The following DLGAP2 variants were observed in gnomAD, a reference collection of about 807,000 sequenced individuals.
The protein encoded by DLGAP2 is disks large-associated protein 2.
DLGAP2 carries 26 observed loss-of-function variants against 100.3 expected under a neutral mutation model. The observed-to-expected ratio is 0.26, with a 90% confidence interval of 0.19 to 0.36. DLGAP2 has a LOEUF of 0.36. Ranked by LOEUF, DLGAP2 falls within the 10% of genes least tolerant of loss-of-function variation. The pLI is 1.00. For missense variants in DLGAP2, 1,858 were observed against 1,453.2 expected (o/e 1.28, Z -4.53); for synonymous variants, 886 against 630.1 (o/e 1.41, Z -6.08).
intron 6 of DLGAP2, among the ~76,000 whole-genome samples, chr8:1,615,181 C>T (rs1038982651): frequency 6.6e-6 from 1 of 152,072 alleles, no homozygotes; most frequent in Non-Finnish European, 1.5e-5. Flanking sequence ...GTTTAGTTTC[C>T]AGCTGCTGAC....
chr8:1,437,289 G>A (rs1284581749), intron 3 of DLGAP2, among the ~76,000 whole-genome samples: 1 of 152,252 alleles, frequency 6.6e-6, no homozygotes, highest in Non-Finnish European at 1.5e-5. Flanking sequence ...GCCCAGGCAT[G>A]CAGGCGCGAA....
At chr8:1,265,139 G>C (rs1799426409) in intron 3 of DLGAP2, among the ~76,000 whole-genome samples, 1 of 152,110 alleles carries the variant, frequency 6.6e-6, no homozygotes, top group Non-Finnish European at 1.5e-5. Context: ...TACAACAGGA[G>C]AATGAACAAC....
At chr8:1,581,477 T>C (rs907254157) in intron 6 of DLGAP2, among the ~76,000 whole-genome samples, 7 of 143,844 alleles carry the variant, frequency 4.9e-5, no homozygotes, top group African/African-American at 1.6e-4. Flanking sequence ...TCCACACATA[T>C]ATACACCACA....
intron 6 of DLGAP2, among the ~76,000 whole-genome samples, chr8:1,586,471 C>G (rs1476738517): frequency 6.6e-6 from 1 of 152,230 alleles, no homozygotes; most frequent in African/African-American, 2.4e-5. Context: ...CTGCCTTCCT[C>G]TTCTGCTTTC....
chr8:1,025,280 G>T (rs1026591003), intron 2 of DLGAP2, among the ~76,000 whole-genome samples: 4 of 152,042 alleles, frequency 2.6e-5, no homozygotes, highest in African/African-American at 9.7e-5. Flanking sequence ...CCCCGACCTG[G>T]ATCCCCGATC....
intron 7 of DLGAP2, among the ~76,000 whole-genome samples, chr8:1,627,822 C>A (rs527418935): frequency 6.6e-6 from 1 of 151,398 alleles, no homozygotes; most frequent in Non-Finnish European, 1.5e-5. Context: ...CTCTGACTTA[C>A]TGTGGAGCAG....
At chr8:772,088 A>G (rs982236424) in intron 1 of DLGAP2, among the ~76,000 whole-genome samples, 11 of 151,962 alleles carry the variant, frequency 7.2e-5, no homozygotes, top group Non-Finnish European at 1.6e-4. Flanking sequence ...TTTTGTAGAG[A>G]CAAGGTCTTG....
chr8:802,936 G>T (rs67894118), intron 1 of DLGAP2, among the ~76,000 whole-genome samples: 19,223 of 152,166 alleles, frequency 0.13, 1,768 homozygotes, highest in East Asian at 0.52. Context: ...TCTAAATAAA[G>T]GAAAGGTGGG....
chr8:807,258 T>C (rs1293284084), intron 1 of DLGAP2, among the ~76,000 whole-genome samples: 3 of 151,132 alleles, frequency 2.0e-5, no homozygotes, highest in African/African-American at 4.9e-5. Context: ...TTCTCATTCA[T>C]ACGTTCTCTC....
At chr8:802,249 C>G in intron 1 of DLGAP2, among the ~76,000 whole-genome samples, 1 of 151,680 alleles carries the variant, frequency 6.6e-6, no homozygotes, top group Middle Eastern at 3.5e-3. Flanking sequence ...CTGCACTCCT[C>G]CTGGGCCCTC....
chr8:910,686 C>T (rs904293982), intron 2 of DLGAP2: 5 of 152,152 alleles, frequency 3.3e-5, no homozygotes, highest in Admixed American at 6.5e-5. Context: ...AGCGTTGAAG[C>T]CGAGATACAC....
At chr8:925,292 A>G (rs572298509) in intron 2 of DLGAP2, among the ~76,000 whole-genome samples, 2 of 152,212 alleles carry the variant, frequency 1.3e-5, no homozygotes, top group Non-Finnish European at 2.9e-5. Context: ...TTTAATTATA[A>G]TGTTTTTTTT....
At chr8:938,822 A>G (rs55647120) in intron 2 of DLGAP2, among the ~76,000 whole-genome samples, 42,606 of 152,140 alleles carry the variant, frequency 0.28, 6,708 homozygotes, top group Admixed American at 0.39. Context: ...CTCGGCTCTC[A>G]TTGCCTCAGA....
At chr8:811,420 G>C (rs533519468) in intron 1 of DLGAP2, among the ~76,000 whole-genome samples, 1 of 149,600 alleles carries the variant, frequency 6.7e-6, no homozygotes, top group East Asian at 2.0e-4. Context: ...CGTGGTGAGA[G>C]GCCACCAGCT....
chr8:1,354,387 C>G (rs1170932161), intron 3 of DLGAP2, among the ~76,000 whole-genome samples: 3 of 152,164 alleles, frequency 2.0e-5, no homozygotes, highest in Non-Finnish European at 4.4e-5. Context: ...GTGGTGCGTG[C>G]TTGTAGTCCC....
chr8:999,584 T>C (rs1456352921), intron 2 of DLGAP2, among the ~76,000 whole-genome samples: 1 of 151,956 alleles, frequency 6.6e-6, no homozygotes, highest in Non-Finnish European at 1.5e-5. Context: ...GCTCAAGTGA[T>C]TCTCCTGCCT....
At chr8:904,304 G>C (rs940294700) in intron 1 of DLGAP2, among the ~76,000 whole-genome samples, 1 of 152,224 alleles carries the variant, frequency 6.6e-6, no homozygotes, top group African/African-American at 2.4e-5. Context: ...TGGATTGCTT[G>C]AGGTCAGGAA....
chr8:784,014 A>C (rs1419291534), intron 1 of DLGAP2, among the ~76,000 whole-genome samples: 1 of 152,224 alleles, frequency 6.6e-6, no homozygotes, highest in Non-Finnish European at 1.5e-5. Context: ...CCAGAATAAC[A>C]CACTTATGTT....
chr8:1,607,216 C>T (rs1051179379), intron 6 of DLGAP2, among the ~76,000 whole-genome samples: 7 of 152,170 alleles, frequency 4.6e-5, no homozygotes, highest in Non-Finnish European at 1.0e-4. Context: ...AATTATCCAT[C>T]ATTCTTTAAA....
Sources: gnomAD v4.1 joint callset for allele counts (sites outside exome capture counted in the v4.1 genomes callset) on GRCh38, gnomAD v4.1.1 for gene constraint, MANE v1.5 for transcripts, NCBI Gene and HGNC (gene_info 2026-07-23, HGNC 2026-07-21) for gene names.